TBC1D5: variants seen among roughly 807,000 people sequenced by gnomAD.
TBC1D5 encodes the protein TBC1 domain family member 5, also known as TBC1 domain family, member 5.
TBC1D5 carries 75 observed loss-of-function variants against 100.3 expected under a neutral mutation model. That is an observed-to-expected ratio of 0.75 (90% CI 0.62 to 0.91). TBC1D5 has a LOEUF of 0.91. Ranked by LOEUF, TBC1D5 falls within the 40% of genes least tolerant of loss-of-function variation. The pLI is 0.00. For missense variants in TBC1D5, 910 were observed against 942.4 expected, an observed-to-expected ratio of 0.97 and a Z score of 0.45; for synonymous variants, 323 against 325.6, an observed-to-expected ratio of 0.99 and a Z score of 0.09.
At chr3:17,636,627 TAAAAATA>T (rs2063954346) in intron 1 of TBC1D5, among the ~76,000 whole-genome samples, 1 of 151,092 alleles carries the variant, frequency 6.6e-6, no homozygotes, top group South Asian at 2.1e-4. Flanking sequence ...CTGTCTCTAC[TAAAAATA>T]AAAAATAAAA....
chr3:17,489,441 G>A (rs1426330562), intron 3 of TBC1D5, among the ~76,000 whole-genome samples: 3 of 152,070 alleles, frequency 2.0e-5, no homozygotes, highest in South Asian at 2.1e-4. Flanking sequence ...CTCTTTCCTT[G>A]AAATCTGTAT....
chr3:17,512,099 T>C (rs2095915951), intron 2 of TBC1D5, among the ~76,000 whole-genome samples: 3 of 152,064 alleles, frequency 2.0e-5, no homozygotes, highest in Admixed American at 2.0e-4. Flanking sequence ...GCTATTGGGA[T>C]TACCTTATGA....
intron 17 of TBC1D5, among the ~76,000 whole-genome samples, chr3:17,233,313 T>C (rs1364100093): frequency 6.6e-6 from 1 of 152,192 alleles, no homozygotes; most frequent in African/African-American, 2.4e-5. Context: ...AAGATGTCTA[T>C]TTTCAGAACT....
intron 2 of TBC1D5, among the ~76,000 whole-genome samples, chr3:17,509,903 A>G (rs1293638786): frequency 1.3e-5 from 2 of 152,006 alleles, no homozygotes. Context: ...TCCATATTGA[A>G]TAAATTTTGT....
chr3:17,346,890 T>A (rs183415266), intron 13 of TBC1D5, among the ~76,000 whole-genome samples: 6 of 152,184 alleles, frequency 3.9e-5, no homozygotes, highest in Non-Finnish European at 8.8e-5. Context: ...CACATAAGCA[T>A]GGAGACCAGA....
intron 9 of TBC1D5, among the ~76,000 whole-genome samples, chr3:17,383,251 A>G (rs2093021854): frequency 6.6e-6 from 1 of 151,938 alleles, no homozygotes; most frequent in South Asian, 2.1e-4. Context: ...TTAAGAATTT[A>G]GCTTGAATTC....
chr3:17,624,363 C>T (rs1217441230), intron 1 of TBC1D5, among the ~76,000 whole-genome samples: 3 of 151,944 alleles, frequency 2.0e-5, no homozygotes, highest in South Asian at 2.1e-4. Flanking sequence ...TTTGTCACAA[C>T]GAAGGACAAA....
chr3:17,161,649 C>CTT (rs1322574508), intron 21 of TBC1D5, among the ~76,000 whole-genome samples: 1 of 152,266 alleles, frequency 6.6e-6, no homozygotes, highest in Non-Finnish European at 1.5e-5. Context: ...CCTCCTTGAA[C>CTT]TTTAACTTTC....
At chr3:17,345,676 T>C (rs1340108292) in intron 13 of TBC1D5, among the ~76,000 whole-genome samples, 1 of 151,164 alleles carries the variant, frequency 6.6e-6, no homozygotes, top group Non-Finnish European at 1.5e-5. Context: ...AACCCAAATG[T>C]CCAACAATGA....
At chr3:17,705,896 C>G (rs576175689) in intron 1 of TBC1D5, among the ~76,000 whole-genome samples, 63 of 152,132 alleles carry the variant, frequency 4.1e-4, no homozygotes, top group Admixed American at 3.9e-3. Context: ...CCAAGGCAGG[C>G]GTCTGCTCCT....
chr3:17,416,512 C>G (rs1214260991), intron 4 of TBC1D5, among the ~76,000 whole-genome samples: 3 of 152,098 alleles, frequency 2.0e-5, no homozygotes, highest in Admixed American at 2.0e-4. Context: ...TATAAATATA[C>G]AAGTGATGCA....
intron 16 of TBC1D5, among the ~76,000 whole-genome samples, chr3:17,247,472 G>T (rs1423861506): frequency 1.3e-5 from 2 of 152,190 alleles, no homozygotes; most frequent in Non-Finnish European, 2.9e-5. Context: ...GCCAAAAGAT[G>T]CTAATGATCA....
chr3:17,288,675 G>C (rs1011856750), intron 15 of TBC1D5, among the ~76,000 whole-genome samples: 1 of 151,984 alleles, frequency 6.6e-6, no homozygotes, highest in Non-Finnish European at 1.5e-5. Context: ...CCCAACTTCG[G>C]GTAGAGGACC....
chr3:17,741,436 A>C (rs2077423763), upstream of TBC1D5, among the ~76,000 whole-genome samples: 1 of 152,184 alleles, frequency 6.6e-6, no homozygotes, highest in Non-Finnish European at 1.5e-5. Flanking sequence ...TTTCAACAAT[A>C]CCTATTTATT....
chr3:17,436,829 T>C (rs1053631950), intron 3 of TBC1D5, among the ~76,000 whole-genome samples: 3 of 152,030 alleles, frequency 2.0e-5, no homozygotes, highest in Non-Finnish European at 2.9e-5. Flanking sequence ...CAATAACAGA[T>C]AAAACAAGCT....
chr3:17,191,293 G>A (rs2069857043), intron 18 of TBC1D5, among the ~76,000 whole-genome samples: 1 of 152,128 alleles, frequency 6.6e-6, no homozygotes, highest in African/African-American at 2.4e-5. Context: ...GATAATAATA[G>A]TTTCTACCTC....
intron 3 of TBC1D5, among the ~76,000 whole-genome samples, chr3:17,456,159 T>G (rs1329842143): frequency 6.6e-6 from 1 of 152,190 alleles, no homozygotes; most frequent in East Asian, 1.9e-4. Context: ...AAAACATGAT[T>G]AAAGACTTAA....
intron 3 of TBC1D5, among the ~76,000 whole-genome samples, chr3:17,435,287 G>A (rs1055719251): frequency 1.3e-5 from 2 of 152,072 alleles, no homozygotes; most frequent in African/African-American, 2.4e-5. Flanking sequence ...CCTTATAGCA[G>A]CACGCCAATC....
chr3:17,613,056 C>T (rs2061814697), intron 2 of TBC1D5, among the ~76,000 whole-genome samples: 2 of 152,074 alleles, frequency 1.3e-5, no homozygotes, highest in African/African-American at 2.4e-5. Flanking sequence ...CCACAACAGA[C>T]CCCGGTGTGT....
Sources: allele counts gnomAD v4.1 joint callset (sites outside exome capture counted in the v4.1 genomes callset), GRCh38; gene constraint gnomAD v4.1.1; transcripts MANE v1.5; gene names NCBI Gene and HGNC (gene_info 2026-07-23, HGNC 2026-07-21).